XRCC1: variants seen among roughly 807,000 people sequenced by gnomAD.
XRCC1 encodes X-ray repair cross complementing 1.
Under a neutral mutation model 83.3 loss-of-function variants are expected in XRCC1, and 52 were observed. The ratio of observed to expected loss-of-function variants is 0.62; its 90% CI spans 0.50 to 0.79. The LOEUF (loss-of-function observed/expected upper bound fraction) is 0.79. XRCC1 is among the 30% of genes least tolerant of loss of function. The pLI is 0.00. For synonymous variants in XRCC1, 281 were observed against 312.6 expected, an observed-to-expected ratio of 0.90 and a Z score of 1.07; for missense variants, 793 against 823.5, an observed-to-expected ratio of 0.96 and a Z score of 0.45.
intron 2 of XRCC1, among the ~76,000 whole-genome samples, chr19:43,564,313 T>G (rs1972730675): frequency 1.3e-5 from 2 of 152,274 alleles, no homozygotes; most frequent in Non-Finnish European, 2.9e-5. Context: ...GCAGTAACTC[T>G]GGCTCTGTCC....
intron 2 of XRCC1, among the ~76,000 whole-genome samples, chr19:43,566,531 CAAAAAAA>C (rs34680972): frequency 3.0e-5 from 2 of 66,524 alleles, no homozygotes; most frequent in Non-Finnish European, 5.8e-5. Flanking sequence ...GACTCTGTCT[CAAAAAAA>C]AAAAAAAAAA....
chr19:43,550,438 G>A (rs927515011), intron 10 of XRCC1, among the ~76,000 whole-genome samples: 1 of 152,168 alleles, frequency 6.6e-6, no homozygotes, highest in Non-Finnish European at 1.5e-5. Flanking sequence ...ATGGAGCCCA[G>A]TGTGTAGCCT....
chr19:43,547,468 G>A (rs1223276321), intron 10 of XRCC1, among the ~76,000 whole-genome samples: 1 of 146,490 alleles, frequency 6.8e-6, no homozygotes, highest in Admixed American at 6.8e-5. Flanking sequence ...ACAGGCGTTA[G>A]CCACCACTCC....
At chr19:43,569,794 A>C (rs1057131690) in intron 2 of XRCC1, among the ~76,000 whole-genome samples, 6 of 152,234 alleles carry the variant, frequency 3.9e-5, no homozygotes, top group Non-Finnish European at 7.3e-5. Context: ...AAAAAAAAAA[A>C]ATCACAATAA....
chr19:43,544,342 G>T, intron 14 of XRCC1, 108 bp from the exon 15 acceptor site: 1 of 936,046 alleles, frequency 1.1e-6, no homozygotes, highest in Non-Finnish European at 1.6e-6. Flanking sequence ...CTGTCCACAT[G>T]TGGGCAGGGA....
rs1445063056 is a variant in XRCC1, at chr19:43,556,368, T to TC, written c.256-1565dup. On this transcript the variant is annotated intron_variant, in intron 3 of 16. Coordinates refer to ENST00000262887, the MANE Select transcript of XRCC1 (RefSeq NM_006297.3). ...AGGGGAAATAAGCCTGTGGAAAGAG[T>TC]CCCTGGGAGGCCTGTCTGTCTTGGC... Among the ~76,000 whole-genome samples the TC allele has an allele frequency of 3.3e-5, 5 of 151,894 alleles. No homozygotes were observed. In the East Asian group the frequency reaches 9.7e-4, roughly 29 times the overall value.
chr19:43,565,674 G>A (rs1367045698), intron 2 of XRCC1, among the ~76,000 whole-genome samples: 1 of 152,190 alleles, frequency 6.6e-6, no homozygotes, highest in South Asian at 2.1e-4. Flanking sequence ...ACTGGCTCAC[G>A]CCTGTAATCC....
chr19:43,571,567 G>A (rs190658458), intron 2 of XRCC1, among the ~76,000 whole-genome samples: 5 of 152,336 alleles, frequency 3.3e-5, no homozygotes, highest in Non-Finnish European at 5.9e-5. Context: ...GCAATGGTGC[G>A]ATCATAGCTC....
intron 2 of XRCC1, among the ~76,000 whole-genome samples, chr19:43,567,487 T>G (rs1972765392): frequency 6.6e-6 from 1 of 152,074 alleles, no homozygotes; most frequent in Non-Finnish European, 1.5e-5. Flanking sequence ...AATTTTTGTA[T>G]TTTCAGTAGA....
chr19:43,564,167 G>A (rs1027953700), intron 2 of XRCC1, among the ~76,000 whole-genome samples: 1 of 152,208 alleles, frequency 6.6e-6, no homozygotes, highest in Non-Finnish European at 1.5e-5. Context: ...CTGGCACCGA[G>A]CAAACACTAC....
rs374333560 is a variant in XRCC1 at position 43,572,342 on chromosome 19, G to A, written c.144+2568C>T. ...GCACTTGTGCAGACATTATGTCACC[G>A]AATTTTCACAACTCCGGGCTTGGAT... On this transcript the variant is annotated intron_variant, in intron 2 of 16. Coordinates refer to ENST00000262887, the MANE Select transcript of XRCC1 (RefSeq NM_006297.3). Among the ~76,000 whole-genome samples the A allele has an allele frequency of 7.9e-5, 12 of 152,328 alleles. No individual in the cohort carries two copies. In the East Asian group the frequency reaches 1.9e-3, roughly 24 times the overall value.
Position 43,552,168 on chromosome 19 carries a change from C to T in XRCC1, c.931G>A (p.Ala311Thr), listed in dbSNP as rs1330060921. ...GEGTEPRRPR[A>T]GPEELGKILQ... ...ATCTTCCCCAGCTCCTCTGGGCCAGCTCGGGGTCGTCTGGGCTCGGTGCCT... is the reference window on the plus strand; with the variant it reads ...ATCTTCCCCAGCTCCTCTGGGCCAGTTCGGGGTCGTCTGGGCTCGGTGCCT... Residue 311 changes from alanine (A) to threonine (T), a missense_variant, in exon 9 of 17, where the codon GCT becomes ACT. Physicochemically the swap from Ala to Thr is moderately conservative, Grantham distance 58. Coordinates refer to ENST00000262887, the MANE Select transcript of XRCC1 (RefSeq NM_006297.3). 6.2e-7 allele frequency: 1 copy of T among 1,613,978 alleles called. No individual in the cohort carries two copies. Among genetic ancestry groups the T allele is most frequent in the African/African-American group, 1.3e-5 (1 of 74,910 alleles).
chr19:43,568,998 G>A (rs893197802), intron 2 of XRCC1, among the ~76,000 whole-genome samples: 1 of 149,394 alleles, frequency 6.7e-6, no homozygotes, highest in Non-Finnish European at 1.5e-5. Context: ...AAAAAAATTA[G>A]TTGGGTGTGG....
At chr19:43,548,338 G>GTTTC (rs1972539296) in intron 10 of XRCC1, among the ~76,000 whole-genome samples, 1 of 152,230 alleles carries the variant, frequency 6.6e-6, no homozygotes, top group Non-Finnish European at 1.5e-5. Flanking sequence ...AGAAAAGGGG[G>GTTTC]AAAGGTGGGG....
intron 3 of XRCC1, among the ~76,000 whole-genome samples, chr19:43,556,441 G>T (rs1183916203): frequency 1.3e-5 from 2 of 152,224 alleles, no homozygotes; most frequent in African/African-American, 4.8e-5. Flanking sequence ...CTTCTCGGGA[G>T]AACTCCTCAC....
chr19:43,548,766 C>CAAA lies in XRCC1; in HGVS notation c.1200-1792_1200-1790dup, dbSNP rs60740505. Reference sequence around the variant, plus strand: ...TCTGTGAGAAACACCCAAGAATGATCAAAAAAAAAAAAAAAAAAAACACAA... The same window carrying CAAA: ...TCTGTGAGAAACACCCAAGAATGATCAAAAAAAAAAAAAAAAAAAAAAACACAA... On this transcript the variant is annotated intron_variant, in intron 10 of 16. Coordinates refer to ENST00000262887, the MANE Select transcript of XRCC1 (RefSeq NM_006297.3). Among the ~76,000 whole-genome samples, 11 of 64,586 alleles carry CAAA rather than the reference C, an allele frequency of 1.7e-4. 1 individual carries two copies. The highest frequency in any genetic ancestry group is 3.6e-4 in the East Asian group (1 of 2,794). The allele number at this position is 64,586 out of a possible 152,430, so 42.4% of individuals were successfully genotyped here. A position where few individuals can be genotyped will look rare whatever the true frequency, so the allele number is the denominator to read the frequency against.
chr19:43,545,987 G>A (rs758151006), intron 13 of XRCC1, 30 bp from the exon 14 acceptor site: 2 of 1,613,778 alleles, frequency 1.2e-6, no homozygotes, highest in Non-Finnish European at 1.7e-6. Context: ...TAGAGAGTGA[G>A]CATGCAGAGC....
chr19:43,561,088 A>G (rs140566706), intron 2 of XRCC1, 68 bp from the exon 3 acceptor site: 1 of 1,253,886 alleles, frequency 8.0e-7, no homozygotes, highest in Non-Finnish European at 1.2e-6. Flanking sequence ...GGACCTCAGG[A>G]TGAATCTCCT....
chr19:43,549,361 G>C (rs542371804), intron 10 of XRCC1, among the ~76,000 whole-genome samples: 18 of 152,164 alleles, frequency 1.2e-4, no homozygotes, highest in Non-Finnish European at 2.4e-4. Flanking sequence ...CCAGGTTCAA[G>C]GGATTCTCCT....
Sources: allele counts gnomAD v4.1 joint callset (sites outside exome capture counted in the v4.1 genomes callset), GRCh38; gene constraint gnomAD v4.1.1; transcripts MANE v1.5; gene names NCBI Gene and HGNC (gene_info 2026-07-23, HGNC 2026-07-21).